Variants in PATJ observed in about 807,000 individuals in gnomAD.
PATJ encodes the protein inaD-like protein.
Under a neutral mutation model 224.9 loss-of-function variants are expected in PATJ, and 190 were observed. The observed-to-expected ratio is 0.84, with a 90% CI of 0.75 to 0.95. The LOEUF is 0.95. Ranked by LOEUF, PATJ falls within the 40% of genes least tolerant of loss-of-function variation. PATJ has a pLI of 0.00. For synonymous variants in PATJ, 769 were observed against 820.3 expected, an observed-to-expected ratio of 0.94 and a Z score of 1.07; for missense variants, 2,121 against 2,270.3, an observed-to-expected ratio of 0.93 and a Z score of 1.34.
At chr1:62,022,541 G>C (rs1647145810) in intron 29 of PATJ, among the ~76,000 whole-genome samples, 1 of 152,166 alleles carries the variant, frequency 6.6e-6, no homozygotes, top group Admixed American at 6.5e-5. Flanking sequence ...TTAAGTACAA[G>C]AGGAGAGCTG....
chr1:62,093,881 C>T (rs116821583), intron 33 of PATJ, among the ~76,000 whole-genome samples: 2,112 of 152,176 alleles, frequency 0.014, 44 homozygotes, highest in African/African-American at 0.048. Context: ...TAACGGAATT[C>T]CATTTTAAAT....
chr1:61,823,103 A>G, intron 15 of PATJ, 24 bp downstream of exon 15: 1 of 1,613,116 alleles, frequency 6.2e-7, no homozygotes, highest in African/African-American at 1.3e-5. Flanking sequence ...GGAAAGAAAG[A>G]CACAGGCAAG....
At chr1:61,875,528 T>G (rs1026291022) in intron 21 of PATJ, 162 bp downstream of exon 21, 16 of 523,812 alleles carry the variant, frequency 3.1e-5, no homozygotes, top group Non-Finnish European at 4.6e-5. Flanking sequence ...CCTGAAAGAA[T>G]AAACATGCCT....
At chr1:61,981,131 T>C (rs1644427986) in intron 27 of PATJ, among the ~76,000 whole-genome samples, 1 of 152,026 alleles carries the variant, frequency 6.6e-6, no homozygotes, top group Admixed American at 6.5e-5. Context: ...ATAGTGTCCA[T>C]GTTAGATTAG....
intron 17 of PATJ, 109 bp downstream of exon 17, chr1:61,833,894 C>A: frequency 3.3e-6 from 3 of 898,528 alleles, no homozygotes; most frequent in South Asian, 3.9e-5. Context: ...AAACTGAATC[C>A]CAAAGATGGG....
chr1:62,022,623 G>C (rs1647150507), intron 29 of PATJ, among the ~76,000 whole-genome samples: 1 of 152,156 alleles, frequency 6.6e-6, no homozygotes, highest in African/African-American at 2.4e-5. Context: ...CTTGCCTGCA[G>C]CTCTTGTCGT....
chr1:62,002,551 A>G (rs1414919410), intron 28 of PATJ, among the ~76,000 whole-genome samples: 2 of 152,064 alleles, frequency 1.3e-5, no homozygotes, highest in African/African-American at 4.8e-5. Context: ...TACCAGAAAT[A>G]CAAAAAAATT....
At chr1:62,094,969 A>G (rs1033206859) in intron 33 of PATJ, among the ~76,000 whole-genome samples, 8 of 152,316 alleles carry the variant, frequency 5.3e-5, no homozygotes, top group Non-Finnish European at 7.4e-5. Context: ...TTTTAAAACT[A>G]TGATTTCAAG....
chr1:62,130,725 C>T (rs1377745247), intron 41 of PATJ, among the ~76,000 whole-genome samples: 1 of 151,980 alleles, frequency 6.6e-6, no homozygotes, highest in Non-Finnish European at 1.5e-5. Context: ...GTGGCGGGCG[C>T]CTATAGTCCC....
intron 28 of PATJ, among the ~76,000 whole-genome samples, chr1:62,013,147 A>G (rs893104616): frequency 6.6e-6 from 1 of 152,212 alleles, no homozygotes; most frequent in African/African-American, 2.4e-5. Flanking sequence ...CCTCTTACGT[A>G]AATTAAAATT....
Position 62,018,864 on chromosome 1 carries a change from A to G in PATJ, c.3959+917A>G, listed in dbSNP as rs138645182. Among the ~76,000 whole-genome samples the G allele has an allele frequency of 3.0e-3, 454 of 152,274 alleles. 3 individuals are homozygous for G. Among genetic ancestry groups the G allele is most frequent in the Middle Eastern group, 0.014 (4 of 292 alleles). On this transcript the variant is annotated intron_variant, in intron 29 of 43. Transcript: ENST00000642238. The surrounding 1 kb of genome is among the most constrained non-coding windows in gnomAD (Gnocchi z 4.2). The stretch of plus-strand genomic sequence containing the variant: ...TAAGATCTGTCCATTCCCAGGGACC[A>G]CTGGGATTAGGAGGTAGTTTTATTC...
intron 29 of PATJ, among the ~76,000 whole-genome samples, chr1:62,035,012 A>C (rs1650107318): frequency 6.6e-6 from 1 of 152,222 alleles, no homozygotes; most frequent in Non-Finnish European, 1.5e-5. Flanking sequence ...TCTACAGCAG[A>C]CATGGCCTGT....
At chr1:61,966,184 G>A (rs887659228) in intron 27 of PATJ, among the ~76,000 whole-genome samples, 1 of 152,184 alleles carries the variant, frequency 6.6e-6, no homozygotes, top group African/African-American at 2.4e-5. Context: ...ACAGGCGTGA[G>A]CCACCGCACC....
intron 23 of PATJ, among the ~76,000 whole-genome samples, chr1:61,900,512 G>A (rs1175537686): frequency 3.9e-5 from 6 of 152,166 alleles, no homozygotes; most frequent in Admixed American, 1.3e-4. Context: ...CTTGGACAAC[G>A]AGCCACTCAG....
In PATJ at chr1:61,885,704, G is replaced by T. The variant is rs1668725979; in HGVS notation, c.3131+1296G>T. Among the ~76,000 whole-genome samples the T allele has an allele frequency of 2.0e-5, 3 of 152,050 alleles. No homozygotes were observed. In the East Asian group the frequency reaches 5.8e-4, roughly 29 times the overall value. On this transcript the variant is annotated intron_variant, in intron 22 of 43. Transcript: ENST00000642238. ...ATATACCCAAAGGACTATAAATCATGCTGCTATAAAGACACATGCACACAT... is the reference window on the plus strand; with the variant it reads ...ATATACCCAAAGGACTATAAATCATTCTGCTATAAAGACACATGCACACAT...
chr1:62,020,068 G>A (rs946901508), intron 29 of PATJ, among the ~76,000 whole-genome samples: 4 of 152,088 alleles, frequency 2.6e-5, no homozygotes, highest in African/African-American at 9.7e-5. Context: ...TACTCGGGAG[G>A]CTGAGGCAGG....
At position 62,114,039 on chromosome 1, in the gene PATJ, G is replaced by A; in HGVS notation, c.4462-14G>A. On this transcript the variant is annotated splice_polypyrimidine_tract_variant and intron_variant, in intron 34 of 43. Coordinates refer to ENST00000642238, the MANE Select transcript of PATJ (RefSeq NM_001350145.3). ...TGCCATCAGCAGCCCAGCTCAGGAT[G>A]CCCATTGTTCCAGGTTAATGGGGTT... The A allele has an allele frequency of 3.1e-6, 5 of 1,612,864 alleles. No individual in the cohort carries two copies. Among genetic ancestry groups the A allele is most frequent in the Non-Finnish European group, 4.2e-6 (5 of 1,179,206 alleles).
At chr1:61,768,602 TA>T (rs1451534368) in intron 4 of PATJ, among the ~76,000 whole-genome samples, 3 of 152,054 alleles carry the variant, frequency 2.0e-5, no homozygotes, top group Non-Finnish European at 2.9e-5. Flanking sequence ...TTTCCTCATT[TA>T]AAAATATATT....
chr1:61,966,121 C>T (rs56224159), intron 27 of PATJ, among the ~76,000 whole-genome samples: 32 of 152,154 alleles, frequency 2.1e-4, no homozygotes, highest in African/African-American at 7.2e-4. Flanking sequence ...AGGCTGTTCT[C>T]GAACTCCTGA....
Sources: gnomAD v4.1 joint callset for allele counts (sites outside exome capture counted in the v4.1 genomes callset) on GRCh38, gnomAD v4.1.1 for gene constraint, Gnocchi (gnomAD v3.1) non-coding constraint, MANE v1.5 for transcripts, NCBI Gene and HGNC (gene_info 2026-07-23, HGNC 2026-07-21) for gene names.